The following TEX2 variants were observed in gnomAD, a reference collection of about 807,000 sequenced individuals.
TEX2 encodes the protein testis-expressed protein 2.
TEX2 carries 53 observed loss-of-function variants against 106.9 expected under a neutral mutation model. The ratio of observed to expected loss-of-function variants is 0.50; its 90% CI spans 0.40 to 0.62. TEX2 has a LOEUF of 0.62. Among genes scored for constraint, TEX2 ranks in the 20% least tolerant of loss-of-function variants. TEX2 has a pLI of 0.00. For missense variants in TEX2, 1,207 were observed against 1,379.0 expected (o/e 0.88, Z 1.98); for synonymous variants, 523 against 534.8 (o/e 0.98, Z 0.30).
At position 64,254,969 on chromosome 17, in the gene TEX2, C is replaced by T. The variant is rs539764494; in HGVS notation, c.-26+8199G>A. Reference sequence around the variant, plus strand: ...CTTGAATTCCCAGGCTTAAGCAATCCTCCTCCCAGCTCAGCCTGCCAAGTA... The same window carrying T: ...CTTGAATTCCCAGGCTTAAGCAATCTTCCTCCCAGCTCAGCCTGCCAAGTA... On this transcript the variant is annotated intron_variant, in intron 1 of 11. Coordinates refer to ENST00000584379, the MANE Select transcript of TEX2 (RefSeq NM_001288732.2). Among the ~76,000 whole-genome samples the T allele has an allele frequency of 2.3e-4, 35 of 151,926 alleles. No homozygotes were observed. The East Asian group carries it at 6.4e-3, about 28-fold the overall frequency.
chr17:64,153,064 C>T lies in TEX2; in HGVS notation c.3021G>A (p.Glu1007=), dbSNP rs2030438795. ...CTTCTTCGATCTTCTTTTTAATAAA[C>T]TCTGTCTCTGTTGCTTTTTGGAAAT... ...SKYFQKATET[E]FIKKKIEEVS... The change falls in exon 10 of 12, where the codon GAG becomes GAA. Residue 1007 remains glutamate (E), a synonymous_variant. Coordinates refer to ENST00000584379, the MANE Select transcript of TEX2 (RefSeq NM_001288732.2). The surrounding 1 kb of genome is among the most constrained non-coding windows in gnomAD (Gnocchi z 4.1). 1 of 1,614,110 alleles carries T rather than the reference C, an allele frequency of 6.2e-7. No homozygotes were observed. Among genetic ancestry groups the T allele is most frequent in the South Asian group, 1.1e-5 (1 of 91,082 alleles).
chr17:64,212,843 C>T lies in TEX2; in HGVS notation c.1375G>A (p.Glu459Lys). The part of the protein sequence containing the change: ...LAEDGVVLDS[E>K]DEVDSAVQHP... The stretch of plus-strand genomic sequence containing the variant: ...TGCACGGCCGAGTCCACCTCGTCCT[C>T]ACTGTCAAGGACCACACCATCTTCC... The change falls in exon 2 of 12, where the codon GAG becomes AAG. Residue 459 changes from glutamate (E) to lysine (K), a missense_variant. Transcript: ENST00000584379. The T allele has an allele frequency of 6.2e-7, 1 of 1,614,110 alleles. No homozygotes were observed. Among genetic ancestry groups the T allele is most frequent in the East Asian group, 2.2e-5 (1 of 44,890 alleles).
intron 1 of TEX2, among the ~76,000 whole-genome samples, chr17:64,255,065 T>C (rs2034160211): frequency 6.9e-6 from 1 of 145,582 alleles, no homozygotes; most frequent in Non-Finnish European, 1.5e-5. Flanking sequence ...AGGGTCTCAC[T>C]ATGTTGCCTA....
At chr17:64,249,182 TAAAACAGA>T (rs1222144358) in intron 1 of TEX2, among the ~76,000 whole-genome samples, 1 of 152,214 alleles carries the variant, frequency 6.6e-6, no homozygotes, top group African/African-American at 2.4e-5. Flanking sequence ...AATGAGCTCC[TAAAACAGA>T]AAAACATCGT....
chr17:64,172,464 C>CA (rs1351019169), intron 6 of TEX2, among the ~76,000 whole-genome samples: 1 of 152,282 alleles, frequency 6.6e-6, no homozygotes, highest in East Asian at 1.9e-4. Context: ...TGAACTGTGC[C>CA]AACGGTCTCT....
intron 1 of TEX2, among the ~76,000 whole-genome samples, chr17:64,249,204 A>G (rs2034045975): frequency 6.6e-6 from 1 of 152,186 alleles, no homozygotes; most frequent in South Asian, 2.1e-4. Context: ...ACATCGTTCA[A>G]AAAAATTCCT....
At position 64,217,488 on chromosome 17, in the gene TEX2, G is replaced by T. The variant is rs1555632793; in HGVS notation, c.-25-3246C>A. On this transcript the variant is annotated intron_variant, in intron 1 of 11. Coordinates refer to ENST00000584379, the MANE Select transcript of TEX2 (RefSeq NM_001288732.2). This position sits in a 1 kb window ranked among gnomAD's most constrained non-coding sequence, Gnocchi z 4.3. The stretch of plus-strand genomic sequence containing the variant: ...CATGCCACACACGCTCTTTATTCCT[G>T]CTTTGTCCCAGCTTTTGTACCTGCC... Among the ~76,000 whole-genome samples the T allele has an allele frequency of 6.6e-6, 1 of 152,168 alleles. No homozygotes were observed. The highest frequency in any genetic ancestry group is 1.5e-5 in the Non-Finnish European group (1 of 68,018).
chr17:64,182,771 C>G (rs1214579363), intron 5 of TEX2, among the ~76,000 whole-genome samples: 1 of 151,796 alleles, frequency 6.6e-6, no homozygotes, highest in Non-Finnish European at 1.5e-5. Context: ...CAAGGCATAT[C>G]CATGTTGTAG....
At chr17:64,250,586 G>A (rs1163640745) in intron 1 of TEX2, among the ~76,000 whole-genome samples, 12 of 152,188 alleles carry the variant, frequency 7.9e-5, no homozygotes, top group African/African-American at 1.7e-4. Flanking sequence ...TACACCTGCC[G>A]GAGGCCTACT....
chr17:64,151,833 AT>A (rs2143591541), intron 10 of TEX2, among the ~76,000 whole-genome samples: 1 of 152,268 alleles, frequency 6.6e-6, no homozygotes, highest in Admixed American at 6.5e-5. Context: ...AACTATTAAA[AT>A]TTTTTTAAGG....
chr17:64,254,824 T>C (rs561842149), intron 1 of TEX2, among the ~76,000 whole-genome samples: 1 of 152,254 alleles, frequency 6.6e-6, no homozygotes, highest in South Asian at 2.1e-4. Context: ...CATGGGCTCA[T>C]AATTTTATGA....
chr17:64,263,016 T>C (rs2143556625), intron 1 of TEX2, among the ~76,000 whole-genome samples, 152 bp downstream of exon 1: 1 of 151,266 alleles, frequency 6.6e-6, no homozygotes, highest in East Asian at 2.0e-4. Flanking sequence ...ACCTGAACCA[T>C]GACAGCGGGG....
At chr17:64,150,745 CAA>C in intron 11 of TEX2, 94 bp downstream of exon 11, 1 of 1,382,356 alleles carries the variant, frequency 7.2e-7, no homozygotes, top group South Asian at 1.5e-5. Context: ...ATCAGATTTT[CAA>C]AAGAGGATCC....
At chr17:64,198,000 G>A (rs1045941370) in intron 2 of TEX2, among the ~76,000 whole-genome samples, 1 of 151,968 alleles carries the variant, frequency 6.6e-6, no homozygotes, top group Non-Finnish European at 1.5e-5. Context: ...AGGCCCACAG[G>A]CTGTTTAGAA....
chr17:64,188,233 C>T lies in TEX2; in HGVS notation c.2359G>A (p.Glu787Lys), dbSNP rs2032151768. The T allele has an allele frequency of 6.2e-7, 1 of 1,613,474 alleles. No homozygotes were observed. The highest frequency in any genetic ancestry group is 1.1e-5 in the South Asian group (1 of 91,044). ...SVYMGRCVPQ[E>K]SRSPQRSPLQ... ...GGGCTCCTCTGGGGGCTTCGGCTTT[C>T]CTGGGGGACACACCTGCCCATGTAC... The change falls in exon 5 of 12, where the codon GAA becomes AAA. Residue 787 changes from glutamate (E) to lysine (K), a missense_variant. Transcript: ENST00000584379.
intron 1 of TEX2, among the ~76,000 whole-genome samples, chr17:64,245,485 C>T (rs1717901753): frequency 6.6e-6 from 1 of 152,236 alleles, no homozygotes; most frequent in South Asian, 2.1e-4. Flanking sequence ...CATTTGTCAT[C>T]GTGTATGTGA....
chr17:64,243,284 A>G (rs575789031), intron 1 of TEX2, among the ~76,000 whole-genome samples: 1 of 152,162 alleles, frequency 6.6e-6, no homozygotes, highest in Non-Finnish European at 1.5e-5. Context: ...GGCCATAAAA[A>G]CCCACAAGGT....
rs1280684828 is a variant in TEX2 at position 64,194,982 on chromosome 17, T to C, written c.1758A>G (p.Lys586=). Residue 586 remains lysine, a synonymous_variant, in exon 3 of 12, where the codon AAA becomes AAG. Transcript: ENST00000584379. ...GGTLRLSKPN[K]NISRRASYNE... is the part of the protein sequence containing the mutation. ...TGTAGCTGGCCCTCCTGGATATATT[T>C]TTATTGGGCTTTGAAAGTCTTAAGG... The C allele has an allele frequency of 6.2e-7, 1 of 1,614,148 alleles. No individual in the cohort carries two copies. Among genetic ancestry groups the C allele is most frequent in the Non-Finnish European group, 8.5e-7 (1 of 1,179,996 alleles).
At chr17:64,188,480 C>T (rs2032169176) in intron 4 of TEX2, 65 bp from the exon 5 acceptor site, 2 of 1,454,596 alleles carry the variant, frequency 1.4e-6, no homozygotes, top group Non-Finnish European at 1.8e-6. Context: ...AAGCGGACTC[C>T]CTGAGAAAAG....
Sources: allele counts gnomAD v4.1 joint callset (sites outside exome capture counted in the v4.1 genomes callset), GRCh38; gene constraint gnomAD v4.1.1; non-coding constraint Gnocchi (gnomAD v3.1); transcripts MANE v1.5; gene names NCBI Gene and HGNC (gene_info 2026-07-23, HGNC 2026-07-21).